Variants in TMEM144 observed in about 807,000 individuals in gnomAD.
TMEM144 encodes transmembrane protein 144.
In TMEM144, 39 loss-of-function variants were observed where a neutral mutation model predicts 43.6. The ratio of observed to expected loss-of-function variants is 0.90; its 90% CI spans 0.69 to 1.17. The LOEUF (loss-of-function observed/expected upper bound fraction) is 1.17. TMEM144 is among the 50% of genes most tolerant of loss of function. The probability of loss-of-function intolerance (pLI) is 0.00; values close to 1 mark genes in which losing one functional copy is unlikely to be tolerated. For synonymous variants in TMEM144, 154 were observed against 133.6 expected (o/e 1.15, Z -1.06); for missense variants, 417 against 411.9 (o/e 1.01, Z -0.11).
chr4:158,225,208 T>C (rs1014671418), intron 6 of TMEM144, among the ~76,000 whole-genome samples: 1 of 152,196 alleles, frequency 6.6e-6, no homozygotes, highest in African/African-American at 2.4e-5. Flanking sequence ...GGAAACCCTG[T>C]CTAGTTGTTT....
Position 158,235,497 on chromosome 4 carries a change from C to A in TMEM144, c.555C>A (p.His185Gln). ...TGGATAAACTTTCTACAGTACACCACCGCATAGTGTAAGGAGAGGTTACTT... is the reference window on the plus strand; with the variant it reads ...TGGATAAACTTTCTACAGTACACCAACGCATAGTGTAAGGAGAGGTTACTT... ...SWVDKLSTVHHRIVGCSLAVI... is the reference protein window; with the variant it reads ...SWVDKLSTVHQRIVGCSLAVI... The change falls in exon 8 of 13, where the codon CAC (histidine) becomes CAA (glutamine). Residue 185 changes from histidine to glutamine, a missense_variant. His to Gln is a conservative substitution (Grantham distance 24). Transcript: ENST00000296529. 1 of 1,613,564 alleles carries A rather than the reference C, an allele frequency of 6.2e-7. No individual in the cohort carries two copies. The highest frequency in any genetic ancestry group is 8.5e-7 in the Non-Finnish European group (1 of 1,179,698).
intron 12 of TMEM144, 85 bp from the exon 13 acceptor site, chr4:158,253,359 G>C: frequency 8.5e-7 from 1 of 1,177,136 alleles, no homozygotes; most frequent in Non-Finnish European, 1.2e-6. Context: ...CAGATGGTTA[G>C]GTCCCTAGCA....
chr4:158,233,542 G>T (rs1304550719), intron 7 of TMEM144: 1 of 152,242 alleles, frequency 6.6e-6, no homozygotes, highest in African/African-American at 2.4e-5. Context: ...CTGATAAAGC[G>T]CAAGTGTCAG....
chr4:158,246,607 C>T (rs548370937), intron 12 of TMEM144, among the ~76,000 whole-genome samples: 7 of 152,124 alleles, frequency 4.6e-5, no homozygotes, highest in South Asian at 2.1e-4. Context: ...AAGTTACTTT[C>T]GTGAACATTT....
intron 9 of TMEM144, 30 bp from the exon 10 acceptor site, chr4:158,240,269 T>C (rs767595197): frequency 1.4e-5 from 22 of 1,586,764 alleles, no homozygotes; most frequent in Non-Finnish European, 1.9e-5. Context: ...ATTAAAATGG[T>C]GTTTGAGAGT....
intron 6 of TMEM144, among the ~76,000 whole-genome samples, chr4:158,225,943 A>G (rs1734743316): frequency 6.6e-6 from 1 of 152,234 alleles, no homozygotes; most frequent in Non-Finnish European, 1.5e-5. Context: ...ACTCCAGGCT[A>G]TAGAATCCTG....
At chr4:158,211,742 A>G (rs138798269) in intron 2 of TMEM144, 168 bp downstream of exon 2, 2 of 152,248 alleles carry the variant, frequency 1.3e-5, no homozygotes, top group Non-Finnish European at 2.9e-5. Context: ...TTGTTTTAAG[A>G]AAGTCCACAC....
intron 12 of TMEM144, among the ~76,000 whole-genome samples, chr4:158,246,537 G>A (rs1056408513): frequency 2.1e-4 from 32 of 152,128 alleles, no homozygotes; most frequent in Middle Eastern, 3.4e-3. Context: ...TGTGGACTAT[G>A]ATCAGAATTT....
At chr4:158,213,805 T>G (rs144004862) in intron 3 of TMEM144, 1 of 152,282 alleles carries the variant, frequency 6.6e-6, no homozygotes, top group Non-Finnish European at 1.5e-5. Context: ...TACCTCCTAT[T>G]TTCCTCCAGG....
chr4:158,225,400 T>C (rs1400026233), intron 6 of TMEM144, among the ~76,000 whole-genome samples: 2 of 152,234 alleles, frequency 1.3e-5, no homozygotes, highest in East Asian at 3.8e-4. Flanking sequence ...TTGGTTGTAA[T>C]AGATGTAGTT....
Position 158,232,995 on chromosome 4 carries a change from TGA to T in TMEM144, c.495+18_495+19del. On this transcript the variant is annotated intron_variant, in intron 7 of 12. Coordinates refer to ENST00000296529, the MANE Select transcript of TMEM144 (RefSeq NM_018342.5). ...AATAACAGAGCATGTGAGTATAGTA[TGA>T]GAGACAACTTGATTTGAAACATAAA... is the stretch of plus-strand genomic sequence containing the variant. 1.9e-6 allele frequency: 3 copies of T among 1,550,712 alleles called. No homozygotes were observed. The highest frequency in any genetic ancestry group is 2.6e-6 in the Non-Finnish European group (3 of 1,138,874).
intron 4 of TMEM144, among the ~76,000 whole-genome samples, chr4:158,216,343 C>G (rs561083018): frequency 7.2e-5 from 11 of 152,136 alleles, no homozygotes; most frequent in African/African-American, 2.7e-4. Context: ...ATGGGAGGAG[C>G]CAATGATAAT....
intron 2 of TMEM144, 142 bp from the exon 3 acceptor site, chr4:158,212,466 A>C (rs1412869169): frequency 5.1e-6 from 2 of 394,936 alleles, no homozygotes; most frequent in East Asian, 7.7e-5. Flanking sequence ...ATGAAGTACA[A>C]ACATTATATA....
intron 9 of TMEM144, 28 bp from the exon 10 acceptor site, chr4:158,240,271 T>C: frequency 6.3e-7 from 1 of 1,590,052 alleles, no homozygotes; most frequent in Non-Finnish European, 8.5e-7. Flanking sequence ...TAAAATGGTG[T>C]TTGAGAGTTT....
intron 2 of TMEM144, chr4:158,211,851 T>C (rs1733975040): frequency 6.6e-6 from 1 of 152,246 alleles, no homozygotes; most frequent in African/African-American, 2.4e-5. Flanking sequence ...AAATAACATA[T>C]TTTGTAGGTT....
intron 8 of TMEM144, 138 bp downstream of exon 8, chr4:158,235,643 G>A (rs530855253): frequency 3.2e-5 from 28 of 883,420 alleles, no homozygotes; most frequent in African/African-American, 2.4e-4. Flanking sequence ...TCCATGCGGC[G>A]AGGTTTTTTT....
chr4:158,247,199 C>A (rs191343172), intron 12 of TMEM144, among the ~76,000 whole-genome samples: 1 of 151,822 alleles, frequency 6.6e-6, no homozygotes, highest in Admixed American at 6.6e-5. Context: ...TCTTAATAAG[C>A]TAGAAATAAA....
intron 6 of TMEM144, among the ~76,000 whole-genome samples, chr4:158,220,452 G>C (rs563267352): frequency 6.6e-6 from 1 of 152,126 alleles, no homozygotes; most frequent in Non-Finnish European, 1.5e-5. Flanking sequence ...AGTCTATCAG[G>C]CATTGTTTTC....
chr4:158,249,934 T>TGTGTGTGTGTGTGTGTGTGTGTG (rs1303140050), intron 12 of TMEM144, among the ~76,000 whole-genome samples: 1 of 87,742 alleles, frequency 1.1e-5, no homozygotes, highest in African/African-American at 3.8e-5. Context: ...GTGTGTGTGT[T>TGTGTGTGTGTGTGTGTGTGTGTG]TAAATAAGCT....
Sources: gnomAD v4.1 joint callset for allele counts (sites outside exome capture counted in the v4.1 genomes callset) on GRCh38, gnomAD v4.1.1 for gene constraint, MANE v1.5 for transcripts, NCBI Gene and HGNC (gene_info 2026-07-23, HGNC 2026-07-21) for gene names.